The following ABHD12 variants were observed in gnomAD, a reference collection of about 807,000 sequenced individuals.
ABHD12 encodes abhydrolase domain containing 12, lysophospholipase.
Under a neutral mutation model 58.3 loss-of-function variants are expected in ABHD12, and 43 were observed. That is an observed-to-expected ratio of 0.74 (90% CI 0.58 to 0.95). The LOEUF is 0.95. Ranked by LOEUF, ABHD12 falls within the 40% of genes least tolerant of loss-of-function variation. ABHD12 has a pLI of 0.00. For synonymous variants in ABHD12, 219 were observed against 211.2 expected, an observed-to-expected ratio of 1.04 and a Z score of -0.32; for missense variants, 539 against 537.2, an observed-to-expected ratio of 1.00 and a Z score of -0.03.
chr20:25,300,971 C>G (rs1234281983), intron 12 of ABHD12, 87 bp from the exon 13 acceptor site: 3 of 1,420,134 alleles, frequency 2.1e-6, no homozygotes, highest in East Asian at 4.8e-5. Context: ...TCTAAGGAAG[C>G]AGAGGCTGTG....
At chr20:25,301,568 A>G (rs1414864173) in intron 12 of ABHD12, among the ~76,000 whole-genome samples, 1 of 152,258 alleles carries the variant, frequency 6.6e-6, no homozygotes, top group Non-Finnish European at 1.5e-5. Context: ...CCAAGGCCAC[A>G]CAGCCAGGCA....
chr20:25,367,011 T>C (rs1166661044), intron 1 of ABHD12, among the ~76,000 whole-genome samples: 2 of 152,216 alleles, frequency 1.3e-5, no homozygotes. Flanking sequence ...TATTTTTTCA[T>C]CTGAACTTCA....
intron 2 of ABHD12, among the ~76,000 whole-genome samples, chr20:25,327,435 T>C (rs1429588281): frequency 6.7e-6 from 1 of 149,648 alleles, no homozygotes; most frequent in East Asian, 2.0e-4. Context: ...CCATTGCACT[T>C]CAGTCCGGGC....
intron 1 of ABHD12, among the ~76,000 whole-genome samples, chr20:25,379,570 T>C (rs561266342): frequency 6.6e-6 from 1 of 152,262 alleles, no homozygotes; most frequent in South Asian, 2.1e-4. Context: ...CCCAGAGACA[T>C]CACTGCACCT....
At chr20:25,342,355 C>T (rs1426034554) in intron 1 of ABHD12, among the ~76,000 whole-genome samples, 6 of 152,162 alleles carry the variant, frequency 3.9e-5, no homozygotes, top group Non-Finnish European at 7.4e-5. Context: ...TTCACTGATA[C>T]ATGATTTCAC....
chr20:25,351,155 A>C (rs2089595982), intron 1 of ABHD12, among the ~76,000 whole-genome samples: 1 of 152,202 alleles, frequency 6.6e-6, no homozygotes, highest in African/African-American at 2.4e-5. Flanking sequence ...TTTGGATCTA[A>C]GTTGGTGGAA....
chr20:25,300,380 G>T lies in ABHD12; in HGVS notation c.*465C>A. 8.9e-7 allele frequency: 1 copy of T among 1,119,278 alleles called. No individual in the cohort carries two copies. The highest frequency in any genetic ancestry group is 1.1e-6 in the Non-Finnish European group (1 of 906,214). The allele number at this position is 1,119,278 out of a possible 1,614,324, so 69.3% of individuals were successfully genotyped here. Reference sequence around the variant, plus strand: ...TGAGAAAGGCAAGCAGGTACACAGGGCAGGAGGGGACGATGGAACCACTGG... The same window carrying T: ...TGAGAAAGGCAAGCAGGTACACAGGTCAGGAGGGGACGATGGAACCACTGG... On this transcript the variant is annotated 3_prime_UTR_variant, in exon 13 of 13. Coordinates refer to ENST00000339157, the MANE Select transcript of ABHD12 (RefSeq NM_001042472.3).
chr20:25,299,458 C>T (rs1049460610), downstream of ABHD12, among the ~76,000 whole-genome samples: 1 of 151,930 alleles, frequency 6.6e-6, no homozygotes, highest in South Asian at 2.1e-4. Flanking sequence ...TTGCCTCAGT[C>T]CCCCAGCCAA....
At chr20:25,375,034 T>C (rs923872524) in intron 1 of ABHD12, among the ~76,000 whole-genome samples, 2 of 152,150 alleles carry the variant, frequency 1.3e-5, no homozygotes, top group Admixed American at 6.5e-5. Context: ...TATGCTAAAA[T>C]GAGGTCATCA....
At chr20:25,380,550 T>C (rs866845537) in intron 1 of ABHD12, among the ~76,000 whole-genome samples, 10 of 152,114 alleles carry the variant, frequency 6.6e-5, no homozygotes, top group African/African-American at 1.4e-4. Flanking sequence ...TCTCCACTTC[T>C]TCCTTGAGCC....
intron 2 of ABHD12, among the ~76,000 whole-genome samples, chr20:25,336,618 C>T (rs183901798): frequency 7.2e-5 from 11 of 152,306 alleles, no homozygotes; most frequent in Admixed American, 7.2e-4. Flanking sequence ...CGCCACAGAC[C>T]CCACCTCCTC....
intron 1 of ABHD12, among the ~76,000 whole-genome samples, chr20:25,358,448 T>C (rs2089697358): frequency 6.6e-6 from 1 of 152,206 alleles, no homozygotes; most frequent in Admixed American, 6.5e-5. Flanking sequence ...CAACTGTTGG[T>C]CTATCCTCAT....
In ABHD12 at chr20:25,361,798, A is replaced by G. The variant is rs185859929; in HGVS notation, c.192-22447T>C. Among the ~76,000 whole-genome samples, 1,093 of 152,072 alleles carry G rather than the reference A, an allele frequency of 7.2e-3. 7 individuals are homozygous for G. The highest frequency in any genetic ancestry group is 0.02 in the Middle Eastern group (6 of 294). On this transcript the variant is annotated intron_variant, in intron 1 of 12. Coordinates refer to ENST00000339157, the MANE Select transcript of ABHD12 (RefSeq NM_001042472.3). The stretch of plus-strand genomic sequence containing the variant: ...GTGAAACCTCGTCTCTACTAAAAAT[A>G]CAAAAAAATAGCTGGGCGTGGTGGC...
In ABHD12 at chr20:25,331,085, A is replaced by G. The variant is rs547852583; in HGVS notation, c.317-7655T>C. 6.9e-3 allele frequency among the ~76,000 whole-genome samples: 1,046 copies of G among 152,242 alleles called. 18 individuals are homozygous for G. The highest frequency in any genetic ancestry group is 0.024 in the African/African-American group (1,002 of 41,510). On this transcript the variant is annotated intron_variant, in intron 2 of 12. Coordinates refer to ENST00000339157, the MANE Select transcript of ABHD12 (RefSeq NM_001042472.3). ...CTTGGAAAAAAATTTAGAAGAATGT[A>G]TAACTAGAATAACCAATACAGAGAA... is the stretch of plus-strand genomic sequence containing the variant.
chr20:25,319,034 C>G (rs2089017122), intron 4 of ABHD12, among the ~76,000 whole-genome samples: 1 of 152,236 alleles, frequency 6.6e-6, no homozygotes, highest in South Asian at 2.1e-4. Context: ...AAAATGTTTG[C>G]CCCCAGCCCT....
At chr20:25,354,499 CAT>C (rs1302251491) in intron 1 of ABHD12, among the ~76,000 whole-genome samples, 1 of 152,194 alleles carries the variant, frequency 6.6e-6, no homozygotes, top group East Asian at 1.9e-4. Flanking sequence ...ATTCATGCCT[CAT>C]AGTCTAAAAG....
intron 1 of ABHD12, among the ~76,000 whole-genome samples, chr20:25,376,347 C>A (rs2089962716): frequency 6.6e-6 from 1 of 152,144 alleles, no homozygotes; most frequent in Non-Finnish European, 1.5e-5. Context: ...TAATCATATT[C>A]AAAAGCAGTC....
chr20:25,296,959 A>G (rs202025722), downstream of ABHD12: 2 of 168,346 alleles, frequency 1.2e-5, no homozygotes, highest in East Asian at 3.6e-4. Flanking sequence ...CTGGGCTGCC[A>G]GCCACAGGGA....
chr20:25,326,706 A>AAC (rs1568731093), intron 2 of ABHD12, among the ~76,000 whole-genome samples: 1 of 151,990 alleles, frequency 6.6e-6, no homozygotes, highest in Non-Finnish European at 1.5e-5. Flanking sequence ...TTTTTTAATA[A>AAC]ACATGGGGAC....
Sources: gnomAD v4.1 joint callset for allele counts (sites outside exome capture counted in the v4.1 genomes callset) on GRCh38, gnomAD v4.1.1 for gene constraint, MANE v1.5 for transcripts, NCBI Gene and HGNC (gene_info 2026-07-23, HGNC 2026-07-21) for gene names.